The following CRACDL variants were observed in gnomAD, a reference collection of about 807,000 sequenced individuals.
CRACDL encodes CRACD like.
In CRACDL, 26 loss-of-function variants were observed where a neutral mutation model predicts 70.6. That is an observed-to-expected ratio of 0.37 (90% CI 0.27 to 0.51). CRACDL has a LOEUF of 0.51. CRACDL is among the 20% of genes least tolerant of loss of function. The pLI is 0.94. For synonymous variants in CRACDL, 618 were observed against 615.2 expected, an observed-to-expected ratio of 1.00 and a Z score of -0.07; for missense variants, 1,283 against 1,376.9, an observed-to-expected ratio of 0.93 and a Z score of 1.08.
chr2:98,799,288 T>G lies in CRACDL; in HGVS notation c.2417-1751A>C, dbSNP rs2104401228. ...TTACTCACTTTGCCTTTGTTTCTGCTTCCAGTTCAGGCTGGAATTCTTTTC... is the reference window on the plus strand; with the variant it reads ...TTACTCACTTTGCCTTTGTTTCTGCGTCCAGTTCAGGCTGGAATTCTTTTC... On this transcript the variant is annotated intron_variant, in intron 7 of 9. Coordinates refer to ENST00000397899, the MANE Select transcript of CRACDL (RefSeq NM_207362.3). Among the ~76,000 whole-genome samples, 3 of 152,298 alleles carry G rather than the reference T, an allele frequency of 2.0e-5. No individual in the cohort carries two copies. The South Asian group carries it at 6.2e-4, about 32-fold the overall frequency.
chr2:98,923,039 G>T (rs1296440515), intron 1 of CRACDL, among the ~76,000 whole-genome samples: 1 of 152,116 alleles, frequency 6.6e-6, no homozygotes, highest in African/African-American at 2.4e-5. Flanking sequence ...GGAGGCCGAG[G>T]TGGGCAGATT....
intron 7 of CRACDL, among the ~76,000 whole-genome samples, chr2:98,813,681 T>C (rs1375096216): frequency 2.0e-5 from 3 of 152,204 alleles, no homozygotes; most frequent in Non-Finnish European, 4.4e-5. Flanking sequence ...ACAGAGAGTC[T>C]ATAGTTTTCT....
intron 1 of CRACDL, among the ~76,000 whole-genome samples, chr2:98,864,850 T>G (rs930296373): frequency 2.0e-5 from 3 of 152,200 alleles, no homozygotes; most frequent in Admixed American, 2.0e-4. Context: ...CCTGGCCTGA[T>G]TATACATTTT....
intron 2 of CRACDL, among the ~76,000 whole-genome samples, chr2:98,841,923 T>C (rs1706044006): frequency 6.6e-6 from 1 of 152,174 alleles, no homozygotes; most frequent in South Asian, 2.1e-4. Flanking sequence ...AAGTTAGGCA[T>C]AAGTTACTTT....
At position 98,827,389 on chromosome 2, in the gene CRACDL, G is replaced by T. The variant is rs577350044; in HGVS notation, c.541-220C>A. On this transcript the variant is annotated intron_variant, in intron 5 of 9. Coordinates refer to ENST00000397899, the MANE Select transcript of CRACDL (RefSeq NM_207362.3). ...GTGATCTCTGCTCACTGCAACCTCT[G>T]CCACCTGAGTTCAATCATTCTCCTG... Among the ~76,000 whole-genome samples the T allele has an allele frequency of 4.0e-4, 61 of 152,130 alleles. No homozygotes were observed. In the South Asian group the frequency reaches 0.012, roughly 31 times the overall value.
chr2:98,866,090 A>G (rs1707127877), intron 1 of CRACDL, among the ~76,000 whole-genome samples: 1 of 152,176 alleles, frequency 6.6e-6, no homozygotes, highest in African/African-American at 2.4e-5. Flanking sequence ...GCTCTGACAT[A>G]TAAGAGAAAA....
At position 98,823,385 on chromosome 2, in the gene CRACDL, C is replaced by G. The variant is rs762347153; in HGVS notation, c.888G>C (p.Pro296=). 7.8e-6 allele frequency: 12 copies of G among 1,540,676 alleles called. No individual in the cohort carries two copies. In the African/African-American group the frequency reaches 1.5e-4, roughly 19 times the overall value. ...CCCCTCCGGGTGGCGGCAAGGGCGC[C>G]GGTGGCCCAGGCTCAGGGCCTCTGT... ...APDRGPEPGP[P]APLPPPGGAR... is the part of the protein sequence containing the mutation. The change falls in exon 7 of 10, where the codon CCG becomes CCC. Residue 296 remains proline, a synonymous_variant. Transcript: ENST00000397899. This position sits in a 1 kb window ranked among gnomAD's most constrained non-coding sequence, Gnocchi z 4.0.
intron 1 of CRACDL, among the ~76,000 whole-genome samples, chr2:98,892,476 A>C (rs973518868): frequency 6.6e-6 from 1 of 152,014 alleles, no homozygotes; most frequent in African/African-American, 2.4e-5. Context: ...GGATCACTTG[A>C]GGTAAAGAGT....
chr2:98,820,463 G>C (rs1448549032), intron 7 of CRACDL, among the ~76,000 whole-genome samples: 2 of 152,186 alleles, frequency 1.3e-5, no homozygotes, highest in Non-Finnish European at 2.9e-5. Flanking sequence ...GAACCCGGCA[G>C]GTGGAGGTTG....
intron 1 of CRACDL, among the ~76,000 whole-genome samples, chr2:98,915,664 G>C (rs1708646868): frequency 6.6e-6 from 1 of 152,176 alleles, no homozygotes; most frequent in African/African-American, 2.4e-5. Flanking sequence ...AGGGTGGGCT[G>C]CCTGCTGGGG....
At position 98,869,036 on chromosome 2, in the gene CRACDL, C is replaced by A. The variant is rs916889475; in HGVS notation, c.-10-22226G>T. On this transcript the variant is annotated intron_variant, in intron 1 of 9. Transcript: ENST00000397899. Reference sequence around the variant, plus strand: ...AGTCACGGCCTGGCCTCCCCTCCCTCGCGACTCTCCCCCACCACCTCTTTG... The same window carrying A: ...AGTCACGGCCTGGCCTCCCCTCCCTAGCGACTCTCCCCCACCACCTCTTTG... The A allele has an allele frequency of 5.5e-6, 7 of 1,261,842 alleles. No homozygotes were observed. In the South Asian group the frequency reaches 8.7e-5, roughly 16 times the overall value. 78.2% of individuals were successfully genotyped at this position (1,261,842 alleles called of 1,614,324 possible). A position where few individuals can be genotyped will look rare whatever the true frequency, so the allele number is the denominator to read the frequency against.
intron 3 of CRACDL, 107 bp from the exon 4 acceptor site, chr2:98,833,104 A>T: frequency 1.0e-6 from 1 of 993,222 alleles, no homozygotes; most frequent in Non-Finnish European, 1.5e-6. Flanking sequence ...ATCAAACAAC[A>T]CTCCCTCTGC....
intron 7 of CRACDL, among the ~76,000 whole-genome samples, chr2:98,799,675 C>G (rs1703992139): frequency 1.3e-5 from 2 of 152,218 alleles, no homozygotes; most frequent in African/African-American, 4.8e-5. Flanking sequence ...CCTCCTCTAC[C>G]CTTAGCTCAA....
At chr2:98,805,283 G>A (rs1704238492) in intron 7 of CRACDL, among the ~76,000 whole-genome samples, 1 of 152,156 alleles carries the variant, frequency 6.6e-6, no homozygotes, top group Admixed American at 6.5e-5. Flanking sequence ...AGAAGTAAAA[G>A]CACACAAATA....
At chr2:98,929,224 A>G (rs892472069) in intron 1 of CRACDL, among the ~76,000 whole-genome samples, 2 of 152,230 alleles carry the variant, frequency 1.3e-5, no homozygotes, top group East Asian at 1.9e-4. Flanking sequence ...GAAAGCAGGC[A>G]AAGAGTGGAG....
At chr2:98,879,657 T>G (rs917562693) in intron 1 of CRACDL, among the ~76,000 whole-genome samples, 2 of 152,190 alleles carry the variant, frequency 1.3e-5, no homozygotes, top group Admixed American at 6.5e-5. Context: ...CAAGCAATTC[T>G]CCTGCCTCAG....
chr2:98,832,996 C>A lies in CRACDL; in HGVS notation c.241G>T (p.Glu81Ter). ...CGGCTGCCCAGCGTGCCCCTCGACT[C>A]CCTAGGATAAAAGAGCCACTGTGAG... is the stretch of plus-strand genomic sequence containing the variant. ...VGYDSEDELE[E>*]SRGTLGSRAL... The change falls in exon 4 of 10, where the codon GAG becomes TAG. Residue 81 changes from glutamate (E) to a stop codon, truncating the protein, a stop_gained and splice_region_variant. Transcript: ENST00000397899. LOFTEE classifies it high-confidence loss of function. 6.2e-7 allele frequency: 1 copy of A among 1,610,522 alleles called. No individual in the cohort carries two copies. The highest frequency in any genetic ancestry group is 1.1e-5 in the South Asian group (1 of 90,798).
chr2:98,859,299 T>C (rs72811102), intron 1 of CRACDL, among the ~76,000 whole-genome samples: 5,496 of 152,230 alleles, frequency 0.036, 134 homozygotes, highest in Middle Eastern at 0.065. Flanking sequence ...TACAGGTTGG[T>C]TTAACACATG....
chr2:98,894,036 C>T (rs1262754341), intron 1 of CRACDL, among the ~76,000 whole-genome samples: 4 of 152,202 alleles, frequency 2.6e-5, no homozygotes, highest in Non-Finnish European at 5.9e-5. Context: ...GCTTGCTCCT[C>T]TCAACAGGGC....
Sources: allele counts gnomAD v4.1 joint callset (sites outside exome capture counted in the v4.1 genomes callset), GRCh38; gene constraint gnomAD v4.1.1; non-coding constraint Gnocchi (gnomAD v3.1); transcripts MANE v1.5; gene names NCBI Gene and HGNC (gene_info 2026-07-23, HGNC 2026-07-21).